The following CNOT1 variants were observed in gnomAD, a reference collection of about 807,000 sequenced individuals.
The protein encoded by CNOT1 is CCR4-NOT transcription complex subunit 1, also known as CCR4-associated factor 1.
CNOT1 carries 15 observed loss-of-function variants against 273.8 expected under a neutral mutation model. That is an observed-to-expected ratio of 0.05 (90% CI 0.04 to 0.08). The LOEUF (loss-of-function observed/expected upper bound fraction) is 0.08, where lower values mean the gene tolerates loss of function less well. Ranked by LOEUF, CNOT1 falls within the 10% of genes least tolerant of loss-of-function variation. CNOT1 has a pLI of 1.00. For synonymous variants in CNOT1, 1,022 were observed against 1,005.5 expected (o/e 1.02, Z -0.31); for missense variants, 1,644 against 2,912.2 (o/e 0.56, Z 10.02).
intron 1 of CNOT1, among the ~76,000 whole-genome samples, chr16:58,610,263 C>G (rs1230079510): frequency 6.6e-6 from 1 of 152,168 alleles, no homozygotes; most frequent in Non-Finnish European, 1.5e-5. Flanking sequence ...ACTAAAAATA[C>G]AAAAAACTAG....
chr16:58,534,523 T>C (rs556448193), intron 39 of CNOT1, 128 bp from the exon 40 acceptor site: 2 of 1,058,036 alleles, frequency 1.9e-6, no homozygotes, highest in Admixed American at 5.8e-5. Context: ...ATTCTTACAT[T>C]GTAATAAATG....
intron 11 of CNOT1, among the ~76,000 whole-genome samples, 199 bp downstream of exon 11, chr16:58,581,146 A>T (rs1223555634): frequency 6.6e-6 from 1 of 152,000 alleles, no homozygotes; most frequent in Non-Finnish European, 1.5e-5. Context: ...ACACCTTGAC[A>T]GTTACACCTT....
At chr16:58,570,576 G>T (rs761401400) in intron 16 of CNOT1, among the ~76,000 whole-genome samples, 17 of 152,340 alleles carry the variant, frequency 1.1e-4, no homozygotes, top group Non-Finnish European at 1.6e-4. Flanking sequence ...GCACTGAGCT[G>T]TGATCGTGTC....
chr16:58,563,434 C>G (rs767562940), intron 16 of CNOT1, among the ~76,000 whole-genome samples: 9 of 152,054 alleles, frequency 5.9e-5, no homozygotes, highest in Non-Finnish European at 8.8e-5. Flanking sequence ...TGCCTGATGA[C>G]ACATATCTCA....
intron 21 of CNOT1, 88 bp from the exon 22 acceptor site, chr16:58,553,948 A>AT (rs1325523121): frequency 2.1e-6 from 3 of 1,429,362 alleles, no homozygotes; most frequent in Non-Finnish European, 1.8e-6. Context: ...AATCTAGGTC[A>AT]TTTTTTTCCA....
intron 40 of CNOT1, among the ~76,000 whole-genome samples, 199 bp downstream of exon 40, chr16:58,533,948 G>A (rs993300368): frequency 4.0e-5 from 6 of 151,652 alleles, no homozygotes; most frequent in African/African-American, 1.5e-4. Context: ...TGGGCAACAT[G>A]GTAAGACTCT....
intron 16 of CNOT1, among the ~76,000 whole-genome samples, chr16:58,564,884 G>A (rs2040985399): frequency 1.3e-5 from 2 of 151,964 alleles, no homozygotes; most frequent in South Asian, 4.1e-4. Flanking sequence ...TGCAGTGAGC[G>A]AAGATTGTGC....
At chr16:58,587,495 T>G in intron 4 of CNOT1, 82 bp from the exon 5 acceptor site, 1 of 1,576,696 alleles carries the variant, frequency 6.3e-7, no homozygotes, top group Non-Finnish European at 8.6e-7. Flanking sequence ...TGCCCAAGGA[T>G]GGCACTACAT....
chr16:58,628,479 T>C (rs899018929), intron 1 of CNOT1, among the ~76,000 whole-genome samples: 2 of 152,198 alleles, frequency 1.3e-5, no homozygotes, highest in African/African-American at 2.4e-5. Flanking sequence ...CCTAATATTT[T>C]ACTTGCCTTC....
At chr16:58,568,166 A>C (rs993381588) in intron 16 of CNOT1, among the ~76,000 whole-genome samples, 6 of 152,114 alleles carry the variant, frequency 3.9e-5, no homozygotes, top group African/African-American at 1.4e-4. Context: ...CGGGAGTTTG[A>C]GACCAGCCTG....
At chr16:58,563,211 ATAT>A (rs1356631736) in intron 16 of CNOT1, among the ~76,000 whole-genome samples, 2 of 152,232 alleles carry the variant, frequency 1.3e-5, no homozygotes, top group Admixed American at 1.3e-4. Context: ...GTTGTCCCAC[ATAT>A]TATAATGTAT....
Position 58,538,867 on chromosome 16 carries a change from A to C in CNOT1, c.5040T>G (p.Leu1680=), listed in dbSNP as rs755185164. ...GGTGGCATTCCCTGTAGCGCAGCAGAAGGTCAGCATCAGCACCACTTGTGG... is the reference window on the plus strand; with the variant it reads ...GGTGGCATTCCCTGTAGCGCAGCAGCAGGTCAGCATCAGCACCACTTGTGG... The part of the protein sequence containing the change: ...LDATSGADAD[L]LLRYRECHLL... The change falls in exon 36 of 49, where the codon CTT becomes CTG. Residue 1680 remains leucine (L), a synonymous_variant. Transcript: ENST00000317147. The C allele has an allele frequency of 3.0e-5, 49 of 1,610,522 alleles. No homozygotes were observed. Among genetic ancestry groups the C allele is most frequent in the East Asian group, 2.0e-4 (9 of 44,820 alleles).
chr16:58,549,296 G>GAA lies in CNOT1; in HGVS notation c.3522+421_3522+422dup, dbSNP rs59714224. ...AGTGAGACCACATCTCAAAAAAATT[G>GAA]AAAAAAAAAAAAAAAGGGGGCTACA... On this transcript the variant is annotated intron_variant, in intron 25 of 48. Transcript: ENST00000317147. 8.5e-3 allele frequency among the ~76,000 whole-genome samples: 1,016 copies of GAA among 119,522 alleles called. 7 individuals are homozygous for GAA. The highest frequency in any genetic ancestry group is 0.027 in the Middle Eastern group (6 of 226). The allele number at this position is 119,522 out of a possible 152,430, so 78.4% of individuals were successfully genotyped here.
At chr16:58,566,628 G>A (rs1318319517) in intron 16 of CNOT1, among the ~76,000 whole-genome samples, 2 of 152,200 alleles carry the variant, frequency 1.3e-5, no homozygotes, top group Non-Finnish European at 2.9e-5. Flanking sequence ...GTACAAGGCA[G>A]TCTTGTGCAC....
intron 2 of CNOT1, among the ~76,000 whole-genome samples, chr16:58,590,673 G>A (rs2042022762): frequency 6.6e-6 from 1 of 152,158 alleles, no homozygotes; most frequent in Non-Finnish European, 1.5e-5. Flanking sequence ...GCTGAGGCAG[G>A]AGGATCACAT....
intron 13 of CNOT1, among the ~76,000 whole-genome samples, chr16:58,578,452 C>CAAA (rs61105275): frequency 6.3e-4 from 65 of 103,062 alleles, no homozygotes; most frequent in African/African-American, 2.1e-3. Flanking sequence ...GACACCATCT[C>CAAA]AAAAAAAAAA....
At position 58,551,678 on chromosome 16, in the gene CNOT1, T is replaced by A; in HGVS notation, c.3112A>T (p.Thr1038Ser). Residue 1038 changes from threonine (T) to serine (S), a missense_variant, in exon 23 of 49, where the codon ACT becomes TCT. Physicochemically the swap from Thr to Ser is moderately conservative, Grantham distance 58. This residue lies in a region of CNOT1 where 77 missense variants were observed against 90.5 expected (regional missense o/e 0.85). Coordinates refer to ENST00000317147, the MANE Select transcript of CNOT1 (RefSeq NM_016284.5). ...AKAPLAGQVSTMVTTSTTTTV... is the reference protein window; with the variant it reads ...AKAPLAGQVSSMVTTSTTTTV... ...GTAGTTGTTGAGGTGGTTACCATAG[T>A]GCTAACTTGACCAGCAAGAGGAGCT... The A allele has an allele frequency of 6.2e-7, 1 of 1,614,222 alleles. No homozygotes were observed. Among genetic ancestry groups the A allele is most frequent in the South Asian group, 1.1e-5 (1 of 91,088 alleles).
chr16:58,548,661 TGA>T (rs769981697), intron 25 of CNOT1: 1 of 515,444 alleles, frequency 1.9e-6, no homozygotes, highest in Admixed American at 2.0e-5. Flanking sequence ...CCCAAGTTAT[TGA>T]GCAAAGAATG....
chr16:58,533,331 A>C (rs1248239423), intron 40 of CNOT1, among the ~76,000 whole-genome samples: 1 of 152,084 alleles, frequency 6.6e-6, no homozygotes, highest in Non-Finnish European at 1.5e-5. Context: ...TGAGGGACCC[A>C]ATAGGGTTAA....
Sources: gnomAD v4.1 joint callset for allele counts (sites outside exome capture counted in the v4.1 genomes callset) on GRCh38, gnomAD v4.1.1 for gene constraint, gnomAD v4.1.1 regional missense constraint, MANE v1.5 for transcripts, NCBI Gene and HGNC (gene_info 2026-07-23, HGNC 2026-07-21) for gene names.